Variants in GRIK4 observed in about 807,000 individuals in gnomAD.
The protein encoded by GRIK4 is glutamate receptor ionotropic, kainate 4.
Under a neutral mutation model 104.9 loss-of-function variants are expected in GRIK4, and 40 were observed. The observed-to-expected ratio is 0.38, with a 90% CI of 0.30 to 0.50. The LOEUF (loss-of-function observed/expected upper bound fraction) is 0.50, where lower values mean the gene tolerates loss of function less well. GRIK4 is among the 20% of genes least tolerant of loss of function. The probability of loss-of-function intolerance (pLI) is 0.93; values close to 1 mark genes in which losing one functional copy is unlikely to be tolerated. For missense variants in GRIK4, 1,047 were observed against 1,308.1 expected (o/e 0.80, Z 3.08); for synonymous variants, 485 against 524.9 (o/e 0.92, Z 1.04).
At chr11:120,971,063 C>T (rs1308585214) in intron 19 of GRIK4, among the ~76,000 whole-genome samples, 1 of 152,180 alleles carries the variant, frequency 6.6e-6, no homozygotes, top group Non-Finnish European at 1.5e-5. Flanking sequence ...AAGTGCCTGG[C>T]ACAAAGTTTA....
chr11:120,522,358 G>A (rs1358863517), intron 1 of GRIK4, among the ~76,000 whole-genome samples: 1 of 151,830 alleles, frequency 6.6e-6, no homozygotes, highest in African/African-American at 2.4e-5. Context: ...GTCTCGCTCG[G>A]TTGCCCAGGC....
intron 3 of GRIK4, among the ~76,000 whole-genome samples, chr11:120,737,985 C>T (rs1457207362): frequency 6.6e-6 from 1 of 151,992 alleles, no homozygotes; most frequent in East Asian, 1.9e-4. Flanking sequence ...GAATTTAAAG[C>T]CTTGGGAATG....
At chr11:120,657,919 C>T (rs996074945) in intron 2 of GRIK4, among the ~76,000 whole-genome samples, 8 of 152,248 alleles carry the variant, frequency 5.3e-5, no homozygotes, top group Non-Finnish European at 1.2e-4. Flanking sequence ...GCAAGCAACA[C>T]TCAGCGTGAA....
intron 19 of GRIK4, among the ~76,000 whole-genome samples, chr11:120,970,074 G>A (rs992828035): frequency 9.2e-5 from 14 of 152,174 alleles, no homozygotes; most frequent in African/African-American, 3.4e-4. Context: ...AGTGTTTGTG[G>A]GATGTGTGAT....
chr11:120,597,652 G>A (rs776909651), intron 1 of GRIK4, among the ~76,000 whole-genome samples: 1 of 152,230 alleles, frequency 6.6e-6, no homozygotes, highest in Non-Finnish European at 1.5e-5. Context: ...GATCCGTGGG[G>A]GTCCTGAGGT....
At chr11:120,780,039 T>C (rs747238785) in intron 3 of GRIK4, among the ~76,000 whole-genome samples, 76 of 152,238 alleles carry the variant, frequency 5.0e-4, no homozygotes, top group Non-Finnish European at 7.6e-4. Context: ...AGAATACTCA[T>C]CTGTGAAGTG....
At chr11:120,811,013 T>C (rs1952818339) in intron 4 of GRIK4, among the ~76,000 whole-genome samples, 2 of 152,132 alleles carry the variant, frequency 1.3e-5, no homozygotes, top group Admixed American at 6.5e-5. Context: ...GACCCCTGAC[T>C]TCTACCCACA....
chr11:120,627,257 C>G (rs1029831906), intron 1 of GRIK4, among the ~76,000 whole-genome samples: 13 of 152,240 alleles, frequency 8.5e-5, no homozygotes. Context: ...AAGAAATTAT[C>G]ATTCTCGCCA....
At chr11:120,966,652 G>A (rs779435738) in intron 18 of GRIK4, among the ~76,000 whole-genome samples, 8 of 152,176 alleles carry the variant, frequency 5.3e-5, no homozygotes, top group Non-Finnish European at 1.0e-4. Flanking sequence ...GATTACAGGC[G>A]TGAGCCACCG....
intron 1 of GRIK4, among the ~76,000 whole-genome samples, chr11:120,540,485 G>A (rs972140274): frequency 9.2e-5 from 14 of 152,148 alleles, no homozygotes; most frequent in African/African-American, 2.6e-4. Flanking sequence ...ATGGTGGTGC[G>A]CACCTGTAAT....
intron 3 of GRIK4, among the ~76,000 whole-genome samples, chr11:120,667,048 GC>G (rs1949926777): frequency 6.6e-6 from 1 of 152,204 alleles, no homozygotes; most frequent in Non-Finnish European, 1.5e-5. Context: ...CCCGGAGGGG[GC>G]CACACAGGTC....
At chr11:120,736,946 G>A (rs1481831825) in intron 3 of GRIK4, among the ~76,000 whole-genome samples, 1 of 152,156 alleles carries the variant, frequency 6.6e-6, no homozygotes, top group East Asian at 1.9e-4. Flanking sequence ...GGCAGAAGAT[G>A]TACAATATAA....
intron 3 of GRIK4, among the ~76,000 whole-genome samples, chr11:120,755,246 G>C (rs1194015296): frequency 6.6e-6 from 1 of 152,104 alleles, no homozygotes; most frequent in South Asian, 2.1e-4. Flanking sequence ...TTGCACCATG[G>C]GAGCCAAGGG....
At chr11:120,685,309 G>T (rs7116106) in intron 3 of GRIK4, among the ~76,000 whole-genome samples, 68,868 of 151,898 alleles carry the variant, frequency 0.45, 15,829 homozygotes, top group East Asian at 0.49. Context: ...TATCCCAGAG[G>T]TACTAAATCA....
chr11:120,961,169 C>T (rs607142), intron 17 of GRIK4, 95 bp downstream of exon 17: 218,506 of 1,124,836 alleles, frequency 0.19, 23,247 homozygotes, highest in East Asian at 0.36. Context: ...CTCCGCATCT[C>T]ATTATCTCTT....
rs745593333 is a variant in GRIK4 at position 120,988,077 on chromosome 11, G to C, written c.*1817G>C. The C allele has an allele frequency of 2.6e-5, 4 of 152,186 alleles. No individual in the cohort carries two copies. Among genetic ancestry groups the C allele is most frequent in the African/African-American group, 4.8e-5 (2 of 41,416 alleles). 9.4% of individuals were successfully genotyped at this position (152,186 alleles called of 1,614,324 possible). On this transcript the variant is annotated 3_prime_UTR_variant, in exon 21 of 21. Coordinates refer to ENST00000527524, the MANE Select transcript of GRIK4 (RefSeq NM_014619.5). ...TTGGTCGGCATCCTCTTTATGCCAG[G>C]ACAATCAGTTAGGGCTGCCGTCCTG...
intron 13 of GRIK4, among the ~76,000 whole-genome samples, chr11:120,928,580 T>G (rs1591295150): frequency 6.6e-6 from 1 of 152,238 alleles, no homozygotes; most frequent in South Asian, 2.1e-4. Context: ...TAGTATCTGC[T>G]TGGCCTCTTG....
chr11:120,562,967 C>T (rs1038365885), intron 1 of GRIK4, among the ~76,000 whole-genome samples: 9 of 152,174 alleles, frequency 5.9e-5, no homozygotes, highest in Admixed American at 6.5e-5. Context: ...TGGCCTTCTG[C>T]GGAAGCATGA....
At chr11:120,765,326 C>T (rs892350215) in intron 3 of GRIK4, among the ~76,000 whole-genome samples, 16 of 151,794 alleles carry the variant, frequency 1.1e-4, no homozygotes, top group African/African-American at 3.9e-4. Context: ...TATGTTCTTT[C>T]CTAAACTGGT....
Sources: allele counts gnomAD v4.1 joint callset (sites outside exome capture counted in the v4.1 genomes callset), GRCh38; gene constraint gnomAD v4.1.1; transcripts MANE v1.5; gene names NCBI Gene and HGNC (gene_info 2026-07-23, HGNC 2026-07-21).